The following MYOM1 variants were observed in gnomAD, a reference collection of about 807,000 sequenced individuals.
MYOM1 encodes myomesin 1, also known as myomesin-1.
In MYOM1, 164 loss-of-function variants were observed where a neutral mutation model predicts 205.3. The ratio of observed to expected loss-of-function variants is 0.80; its 90% confidence interval spans 0.70 to 0.91. The LOEUF is 0.91. MYOM1 is among the 40% of genes least tolerant of loss of function. MYOM1 has a pLI of 0.00. For missense variants in MYOM1, 2,011 were observed against 2,127.3 expected, an observed-to-expected ratio of 0.95 and a Z score of 1.08; for synonymous variants, 772 against 789.4, an observed-to-expected ratio of 0.98 and a Z score of 0.37.
At chr18:3,223,428 A>G (rs2081340185), upstream of MYOM1, among the ~76,000 whole-genome samples, 1 of 152,234 alleles carries the variant, frequency 6.6e-6, no homozygotes, top group Non-Finnish European at 1.5e-5. Context: ...AATTTGCTGT[A>G]TCCTTCCTAC....
In MYOM1 at chr18:3,129,262, A is replaced by G; in HGVS notation, c.2764T>C (p.Ser922Pro). Reference protein sequence around the residue: ...QKAAPQGKSKSDPLKKKTDRA... With the variant: ...QKAAPQGKSKPDPLKKKTDRA... ...TCTGTCTTCTTTTTCAGGGGGTCAG[A>G]CTTACTTTTCCCCTGAGGAGCCGCT... The change falls in exon 18 of 38, where the codon TCT becomes CCT. Residue 922 changes from serine to proline, a missense_variant. Physicochemically the swap from Ser to Pro is moderately conservative, Grantham distance 74. Coordinates refer to ENST00000356443, the MANE Select transcript of MYOM1 (RefSeq NM_003803.4). 6.2e-7 allele frequency: 1 copy of G among 1,613,914 alleles called. No homozygotes were observed. Among genetic ancestry groups the G allele is most frequent in the Non-Finnish European group, 8.5e-7 (1 of 1,179,824 alleles).
rs368172542 is a variant in MYOM1, at chr18:3,067,406, G to C, written c.4914C>G (p.Thr1638=). The C allele has an allele frequency of 1.2e-6, 2 of 1,613,472 alleles. No individual in the cohort carries two copies. The highest frequency in any genetic ancestry group is 2.2e-5 in the East Asian group (1 of 44,884). The change falls in exon 38 of 38, where the codon ACC becomes ACG. Residue 1638 remains threonine, a synonymous_variant. Transcript: ENST00000356443. ...TAYFTINGVS[T]ADSGKYGLVV... The stretch of plus-strand genomic sequence containing the variant: ...CCAGCCCGTATTTGCCCGAGTCAGC[G>C]GTGCTCACGCCGTTGATGGTGAAGT...
intron 22 of MYOM1, among the ~76,000 whole-genome samples, chr18:3,108,187 T>A (rs7242651): frequency 0.47 from 71,318 of 151,982 alleles, 18,373 homozygotes; most frequent in Admixed American, 0.64. Flanking sequence ...ACTCTAGGTC[T>A]CTCGCTTCAG....
chr18:3,187,754 A>T, intron 4 of MYOM1, 117 bp from the exon 5 acceptor site: 1 of 991,954 alleles, frequency 1.0e-6, no homozygotes, highest in East Asian at 2.7e-5. Flanking sequence ...TTGGAAGCTT[A>T]ATTTTTTGTA....
At chr18:3,148,845 A>C (rs1233513622) in intron 13 of MYOM1, among the ~76,000 whole-genome samples, 2 of 34,068 alleles carry the variant, frequency 5.9e-5, no homozygotes, top group East Asian at 4.7e-4. Context: ...GACTCCATCC[A>C]AAAAAAAAAA....
chr18:3,078,754 A>G (rs2079049215), intron 34 of MYOM1, among the ~76,000 whole-genome samples: 1 of 152,210 alleles, frequency 6.6e-6, no homozygotes, highest in Admixed American at 6.5e-5. Flanking sequence ...GTAAGAAAGA[A>G]TAAGATGAAG....
At chr18:3,169,071 G>GTAAAA in intron 8 of MYOM1, 90 bp from the exon 9 acceptor site, 1 of 725,110 alleles carries the variant, frequency 1.4e-6, no homozygotes. Flanking sequence ...AGCAGTCACA[G>GTAAAA]CAAAAAAAAA....
At chr18:3,242,916 T>C in the MYOM1 span, among the ~76,000 whole-genome samples, 32 of 152,354 alleles carry the variant, frequency 2.1e-4, no homozygotes, top group East Asian at 1.9e-3. Flanking sequence ...ATATTCTCTG[T>C]TCTTACATCT....
intron 2 of MYOM1, among the ~76,000 whole-genome samples, chr18:3,212,718 T>C (rs1363265593): frequency 6.6e-6 from 1 of 152,250 alleles, no homozygotes; most frequent in Non-Finnish European, 1.5e-5. Context: ...AATGTAATCT[T>C]TCTCTATTAC....
chr18:3,140,378 G>C (rs1365733159), intron 14 of MYOM1, among the ~76,000 whole-genome samples: 2 of 151,378 alleles, frequency 1.3e-5, no homozygotes, highest in African/African-American at 4.9e-5. Flanking sequence ...TTGCACTCCA[G>C]CCTGGGCAAC....
chr18:3,116,278 C>A, intron 21 of MYOM1, 53 bp downstream of exon 21: 1 of 1,546,330 alleles, frequency 6.5e-7, no homozygotes, highest in Non-Finnish European at 8.8e-7. Context: ...CTTTAAAGTT[C>A]GTATTAGTAG....
intron 34 of MYOM1, 93 bp downstream of exon 34, chr18:3,079,086 T>C: frequency 7.3e-7 from 1 of 1,364,304 alleles, no homozygotes; most frequent in Non-Finnish European, 1.0e-6. Flanking sequence ...GTGTTGGGAT[T>C]ACAGGCATAA....
At chr18:3,191,394 C>T (rs1031048849) in intron 3 of MYOM1, among the ~76,000 whole-genome samples, 1 of 152,208 alleles carries the variant, frequency 6.6e-6, no homozygotes, top group African/African-American at 2.4e-5. Context: ...ATGCAGCTTT[C>T]AGCAAGTCAC....
At chr18:3,123,366 C>T (rs1567918165) in intron 19 of MYOM1, among the ~76,000 whole-genome samples, 1 of 151,934 alleles carries the variant, frequency 6.6e-6, no homozygotes. Context: ...TTTCTCTTTA[C>T]TAGCAATAAA....
Position 3,141,980 on chromosome 18 carries a change from CA to C in MYOM1, c.1983del (p.Gly662AlafsTer25). On this transcript the variant is annotated frameshift_variant, in exon 14 of 38. Transcript: ENST00000356443. LOFTEE classifies it high-confidence loss of function. ...RSYVVLSWKP[P>X]GQRGHEGIMY... ...ATAATGCCCTCATGACCACGCTGGC[CA>C]GGGGGCTTCCAGCTGAGCACCACAT... 6.2e-7 allele frequency: 1 copy of C among 1,613,690 alleles called. No individual in the cohort carries two copies.
chr18:3,187,720 A>G, intron 4 of MYOM1, 83 bp from the exon 5 acceptor site: 1 of 1,318,216 alleles, frequency 7.6e-7, no homozygotes, highest in Non-Finnish European at 1.0e-6. Flanking sequence ...TAACAAGTAG[A>G]AGGCAAAAGT....
intron 9 of MYOM1, among the ~76,000 whole-genome samples, chr18:3,164,670 T>G (rs576818771): frequency 2.5e-4 from 38 of 152,306 alleles, no homozygotes; most frequent in Admixed American, 5.9e-4. Context: ...CGTGTAAAAT[T>G]ACATTACAAG....
At chr18:3,177,170 C>T (rs7504871) in intron 5 of MYOM1, among the ~76,000 whole-genome samples, 13,186 of 151,928 alleles carry the variant, frequency 0.087, 727 homozygotes, top group African/African-American at 0.15. Context: ...GCCTGAGAGG[C>T]TGAGGCTGCA....
intron 22 of MYOM1, among the ~76,000 whole-genome samples, chr18:3,111,926 G>A (rs2079532923): frequency 6.6e-6 from 1 of 152,182 alleles, no homozygotes; most frequent in Admixed American, 6.5e-5. Context: ...CACTAGCTGG[G>A]CTGTTCTAGC....
Sources: allele counts gnomAD v4.1 joint callset (sites outside exome capture counted in the v4.1 genomes callset), GRCh38; gene constraint gnomAD v4.1.1; transcripts MANE v1.5; gene names NCBI Gene and HGNC (gene_info 2026-07-23, HGNC 2026-07-21).